Variants in ZMAT4 observed in about 807,000 individuals in gnomAD.
ZMAT4 encodes the protein zinc finger matrin-type 4.
Under a neutral mutation model 28.7 loss-of-function variants are expected in ZMAT4, and 17 were observed. The ratio of observed to expected loss-of-function variants is 0.59; its 90% CI spans 0.41 to 0.89. ZMAT4 has a LOEUF of 0.89. Among genes scored for constraint, ZMAT4 ranks in the 40% least tolerant of loss-of-function variants. The probability of loss-of-function intolerance (pLI) is 0.00; values close to 1 mark genes in which losing one functional copy is unlikely to be tolerated. For missense variants in ZMAT4, 240 were observed against 283.8 expected (o/e 0.85, Z 1.11); for synonymous variants, 117 against 109.2 (o/e 1.07, Z -0.44).
At chr8:40,854,572 C>G (rs1817227465) in intron 1 of ZMAT4, among the ~76,000 whole-genome samples, 1 of 152,152 alleles carries the variant, frequency 6.6e-6, no homozygotes. Flanking sequence ...TTCCAGGAGT[C>G]CAGTCTTTCG....
At chr8:40,728,764 C>A (rs1480017066) in intron 3 of ZMAT4, among the ~76,000 whole-genome samples, 1 of 152,164 alleles carries the variant, frequency 6.6e-6, no homozygotes, top group Admixed American at 6.5e-5. Flanking sequence ...ACAACTGTTA[C>A]ACCTGTGTAA....
chr8:40,676,896 G>A (rs1808934478), intron 4 of ZMAT4, among the ~76,000 whole-genome samples: 1 of 152,048 alleles, frequency 6.6e-6, no homozygotes, highest in Non-Finnish European at 1.5e-5. Context: ...AGAAATAAAA[G>A]CTACAAATAT....
intron 1 of ZMAT4, among the ~76,000 whole-genome samples, chr8:40,881,498 A>AGAAG (rs1491324428): frequency 5.1e-5 from 7 of 138,028 alleles, no homozygotes; most frequent in African/African-American, 1.9e-4. Context: ...AAAGAAAGAA[A>AGAAG]GAGGAAGGAA....
At chr8:40,719,382 C>T (rs1027234657) in intron 3 of ZMAT4, among the ~76,000 whole-genome samples, 2 of 151,712 alleles carry the variant, frequency 1.3e-5, no homozygotes, top group African/African-American at 4.8e-5. Flanking sequence ...TCGGAGGTTG[C>T]AGTGAGCTGA....
At chr8:40,718,957 G>A (rs1461961782) in intron 3 of ZMAT4, among the ~76,000 whole-genome samples, 1 of 152,122 alleles carries the variant, frequency 6.6e-6, no homozygotes, top group Non-Finnish European at 1.5e-5. Flanking sequence ...TGGAATCCCA[G>A]GAATCCTTAG....
chr8:40,760,706 G>GTC (rs56024719), intron 3 of ZMAT4, among the ~76,000 whole-genome samples: 42,129 of 142,046 alleles, frequency 0.3, 6,485 homozygotes, highest in Non-Finnish European at 0.36. Context: ...CTCTGTCACA[G>GTC]TCTCTCTCTC....
intron 5 of ZMAT4, among the ~76,000 whole-genome samples, chr8:40,593,523 AGGTG>A (rs1804964373): frequency 6.6e-6 from 1 of 152,170 alleles, no homozygotes; most frequent in Non-Finnish European, 1.5e-5. Flanking sequence ...CAATAGTGAT[AGGTG>A]ACAACTGTCG....
intron 3 of ZMAT4, among the ~76,000 whole-genome samples, chr8:40,751,022 T>C (rs1195898613): frequency 6.6e-6 from 1 of 152,190 alleles, no homozygotes; most frequent in Non-Finnish European, 1.5e-5. Context: ...TAATCTTCCA[T>C]GACAAAGGGT....
chr8:40,707,070 C>A (rs545843128), intron 3 of ZMAT4, among the ~76,000 whole-genome samples: 3 of 152,200 alleles, frequency 2.0e-5, no homozygotes, highest in Non-Finnish European at 4.4e-5. Context: ...TCTTTGTTCA[C>A]ATGGTTCACT....
rs527278276 is a variant in ZMAT4 at position 40,576,790 on chromosome 8, C to T, written c.674+4375G>A. Among the ~76,000 whole-genome samples, 17 of 152,234 alleles carry T rather than the reference C, an allele frequency of 1.1e-4. No homozygotes were observed. In the South Asian group the frequency reaches 3.3e-3, roughly 30 times the overall value. On this transcript the variant is annotated intron_variant, in intron 6 of 6. Coordinates refer to ENST00000297737, the MANE Select transcript of ZMAT4 (RefSeq NM_024645.3). The stretch of plus-strand genomic sequence containing the variant: ...ATCAAACCTTATCACTACGAAAAAC[C>T]ACCAAACTGCAAAGATAAACAATAA...
At chr8:40,767,882 G>A (rs1300815585) in intron 2 of ZMAT4, 152 bp from the exon 3 acceptor site, 2 of 610,628 alleles carry the variant, frequency 3.3e-6, no homozygotes, top group Non-Finnish European at 2.7e-6. Flanking sequence ...TGTAGTTTCA[G>A]ATAGGTTAAG....
chr8:40,695,924 C>A (rs1809866925), intron 4 of ZMAT4, among the ~76,000 whole-genome samples: 1 of 151,968 alleles, frequency 6.6e-6, no homozygotes, highest in Non-Finnish European at 1.5e-5. Flanking sequence ...GCAGAGAGAA[C>A]AAATGGACTG....
rs10690797 is a variant in ZMAT4, at chr8:40,715,047, C to CAAAAA, written c.193-17651_193-17647dup. ...CTGGCGACAGAGGGAGACTCTGTCTCAAAAAAAAAAAAAAAAAGTGTGTGA... is the reference window on the plus strand; with the variant it reads ...CTGGCGACAGAGGGAGACTCTGTCTCAAAAAAAAAAAAAAAAAAAAAAGTGTGTGA... On this transcript the variant is annotated intron_variant, in intron 3 of 6. Coordinates refer to ENST00000297737, the MANE Select transcript of ZMAT4 (RefSeq NM_024645.3). Among the ~76,000 whole-genome samples the CAAAAA allele has an allele frequency of 8.9e-4, 65 of 73,358 alleles. 1 individual carries two copies. The highest frequency in any genetic ancestry group is 3.5e-3 in the African/African-American group (57 of 16,330). 48.1% of individuals were successfully genotyped at this position (73,358 alleles called of 152,430 possible).
At chr8:40,607,927 G>A (rs1382611425) in intron 5 of ZMAT4, among the ~76,000 whole-genome samples, 1 of 152,094 alleles carries the variant, frequency 6.6e-6, no homozygotes, top group Non-Finnish European at 1.5e-5. Context: ...CGCTCCAGTG[G>A]AGGCAGCAGG....
At position 40,872,442 on chromosome 8, in the gene ZMAT4, C is replaced by A. The variant is rs534842805; in HGVS notation, c.-5+25241G>T. 5.3e-5 allele frequency among the ~76,000 whole-genome samples: 8 copies of A among 152,320 alleles called. No individual in the cohort carries two copies. The East Asian group carries it at 5.8e-4, about 11-fold the overall frequency. ...GGCCTCGGGGGCCCCAGTACCCCCC[C>A]CAACCCTGGAGAAGGAGAGTAAACA... is the stretch of plus-strand genomic sequence containing the variant. On this transcript the variant is annotated intron_variant, in intron 1 of 6. Transcript: ENST00000297737.
chr8:40,617,625 C>A (rs1806056995), intron 5 of ZMAT4, among the ~76,000 whole-genome samples: 1 of 152,076 alleles, frequency 6.6e-6, no homozygotes, highest in Admixed American at 6.5e-5. Flanking sequence ...ATTCTTTGAG[C>A]AAATATCTGT....
intron 6 of ZMAT4, among the ~76,000 whole-genome samples, chr8:40,558,086 A>C (rs991884036): frequency 1.3e-5 from 2 of 152,096 alleles, no homozygotes; most frequent in Non-Finnish European, 2.9e-5. Flanking sequence ...TTAGGCAGGA[A>C]AAAGTGTGGC....
intron 4 of ZMAT4, among the ~76,000 whole-genome samples, chr8:40,693,290 T>A (rs901060656): frequency 6.6e-6 from 1 of 152,036 alleles, no homozygotes; most frequent in Non-Finnish European, 1.5e-5. Flanking sequence ...CTAATTTTTA[T>A]TTTTTTGTAG....
intron 3 of ZMAT4, among the ~76,000 whole-genome samples, chr8:40,722,371 G>A (rs959308308): frequency 9.9e-5 from 15 of 152,154 alleles, no homozygotes; most frequent in Admixed American, 9.8e-4. Flanking sequence ...CCATGCGACT[G>A]TAATTTAGAG....
Sources: gnomAD v4.1 joint callset for allele counts (sites outside exome capture counted in the v4.1 genomes callset) on GRCh38, gnomAD v4.1.1 for gene constraint, MANE v1.5 for transcripts, NCBI Gene and HGNC (gene_info 2026-07-23, HGNC 2026-07-21) for gene names.